CTNND2: variants seen among roughly 807,000 people sequenced by gnomAD.
CTNND2 encodes the protein catenin delta-2.
CTNND2 carries 22 observed loss-of-function variants against 144.4 expected under a neutral mutation model. The ratio of observed to expected loss-of-function variants is 0.15; its 90% CI spans 0.11 to 0.22. CTNND2 has a LOEUF of 0.22. Among genes scored for constraint, CTNND2 ranks in the 10% least tolerant of loss-of-function variants. The pLI is 1.00. For missense variants in CTNND2, 1,353 were observed against 1,618.8 expected (o/e 0.84, Z 2.82); for synonymous variants, 751 against 695.6 (o/e 1.08, Z -1.25).
At chr5:11,150,905 C>T (rs573223748) in intron 12 of CTNND2, among the ~76,000 whole-genome samples, 8 of 152,210 alleles carry the variant, frequency 5.3e-5, no homozygotes, top group African/African-American at 1.4e-4. Context: ...AGATGACAGG[C>T]GTGAGCCACC....
At chr5:11,372,085 A>T (rs544733854) in intron 7 of CTNND2, among the ~76,000 whole-genome samples, 4 of 152,224 alleles carry the variant, frequency 2.6e-5, no homozygotes, top group African/African-American at 9.6e-5. Context: ...ATTTGTTCCC[A>T]TAACTTTGCT....
chr5:11,323,265 G>T (rs1418531677), intron 9 of CTNND2, among the ~76,000 whole-genome samples: 1 of 151,442 alleles, frequency 6.6e-6, no homozygotes, highest in Non-Finnish European at 1.5e-5. Context: ...GCCCAGGCTG[G>T]TCTTGAACTC....
At chr5:11,757,433 G>A (rs1008340251) in intron 1 of CTNND2, among the ~76,000 whole-genome samples, 1 of 151,580 alleles carries the variant, frequency 6.6e-6, no homozygotes, top group East Asian at 1.9e-4. Context: ...CACTTTATAA[G>A]GGTGTATGTG....
chr5:11,405,987 A>G lies in CTNND2; in HGVS notation c.439+5549T>C, dbSNP rs536383340. Among the ~76,000 whole-genome samples, 424 of 152,170 alleles carry G rather than the reference A, an allele frequency of 2.8e-3. 6 individuals are homozygous for G. The highest frequency in any genetic ancestry group is 6.8e-3 in the Middle Eastern group (2 of 294). On this transcript the variant is annotated intron_variant, in intron 5 of 21. Coordinates refer to ENST00000304623, the MANE Select transcript of CTNND2 (RefSeq NM_001332.4). ...AACATGGTGAAACCCCGTCTCTACT[A>G]AAAATACAAAAATTAGCCAGGCGTA...
rs562918904 is a variant in CTNND2 at position 11,245,634 on chromosome 5, C to T, written c.1629-8811G>A. On this transcript the variant is annotated intron_variant, in intron 9 of 21. Transcript: ENST00000304623. ...GGCAGTACAGACACCTTGACTGCAA[C>T]ACAATGAATTTCTGTTGGATTTCTG... Among the ~76,000 whole-genome samples, 10 of 152,294 alleles carry T rather than the reference C, an allele frequency of 6.6e-5. No homozygotes were observed. The East Asian group carries it at 1.4e-3, about 21-fold the overall frequency.
rs140332683 is a variant in CTNND2, at chr5:11,740,827, C to T, written c.38-8555G>A. Among the ~76,000 whole-genome samples, 749 of 152,264 alleles carry T rather than the reference C, an allele frequency of 4.9e-3. 3 individuals carry two copies. The highest frequency in any genetic ancestry group is 0.017 in the African/African-American group (696 of 41,544). On this transcript the variant is annotated intron_variant, in intron 1 of 21. Coordinates refer to ENST00000304623, the MANE Select transcript of CTNND2 (RefSeq NM_001332.4). ...CCTAATATCCAGAATCTACAAAGAA[C>T]TCAAACAAATTTACAAGAAAAAAAC...
chr5:11,065,754 C>T (rs962613698), intron 16 of CTNND2, among the ~76,000 whole-genome samples: 4 of 152,154 alleles, frequency 2.6e-5, no homozygotes, highest in African/African-American at 9.7e-5. Flanking sequence ...TCTGGCATAA[C>T]ATTATGTGAC....
intron 1 of CTNND2, among the ~76,000 whole-genome samples, chr5:11,893,077 A>G (rs578164515): frequency 4.7e-4 from 71 of 152,352 alleles, no homozygotes; most frequent in African/African-American, 1.7e-3. Flanking sequence ...GTCTAACTGC[A>G]CTACTGTAAA....
At position 11,228,369 on chromosome 5, in the gene CTNND2, A is replaced by C. The variant is rs560510610; in HGVS notation, c.1761+8322T>G. The stretch of plus-strand genomic sequence containing the variant: ...TCTCTCTCTCAAAAAAAAAAAAAAA[A>C]AAAAAAAAAACAAAGAATGTGAATG... On this transcript the variant is annotated intron_variant, in intron 10 of 21. Coordinates refer to ENST00000304623, the MANE Select transcript of CTNND2 (RefSeq NM_001332.4). 6.9e-3 allele frequency among the ~76,000 whole-genome samples: 1,007 copies of C among 146,494 alleles called. 13 individuals are homozygous for C. Among genetic ancestry groups the C allele is most frequent in the African/African-American group, 0.023 (865 of 37,428 alleles).
rs1325411951 is a variant in CTNND2, at chr5:10,981,838, T to G, written c.3352A>C (p.Thr1118Pro). The G allele has an allele frequency of 3.7e-6, 6 of 1,613,628 alleles. No individual in the cohort carries two copies. Among genetic ancestry groups the G allele is most frequent in the Non-Finnish European group, 4.2e-6 (5 of 1,179,756 alleles). ...TTCCTATACAAAGTTGAAATTCCAGTGTTTTGAGCTAAAAGCAAAAGGAAA... is the reference window on the plus strand; with the variant it reads ...TTCCTATACAAAGTTGAAATTCCAGGGTTTTGAGCTAAAAGCAAAAGGAAA... ...SRKDAMTAQN[T>P]GISTLYRNSY... Residue 1118 changes from threonine to proline, a missense_variant, in exon 21 of 22, where the codon ACT becomes CCT. Around this residue, in one of 4 missense-constraint regions of CTNND2, gnomAD observed 459 missense variants for 674.3 expected, o/e 0.68. Transcript: ENST00000304623.
At chr5:11,312,803 G>A (rs141442888) in intron 9 of CTNND2, among the ~76,000 whole-genome samples, 53 of 149,052 alleles carry the variant, frequency 3.6e-4, no homozygotes, top group African/African-American at 1.3e-3. Flanking sequence ...CCAGCCATAC[G>A]TCCCTGGACA....
chr5:11,623,441 G>A (rs574977925), intron 2 of CTNND2, among the ~76,000 whole-genome samples: 23 of 151,888 alleles, frequency 1.5e-4, no homozygotes, highest in Admixed American at 6.6e-4. Flanking sequence ...GTTTGCCGCC[G>A]TGTAAGATGT....
intron 10 of CTNND2, among the ~76,000 whole-genome samples, chr5:11,205,376 G>A (rs974103546): frequency 2.0e-5 from 3 of 151,996 alleles, no homozygotes; most frequent in Non-Finnish European, 4.4e-5. Flanking sequence ...TGATTTTTTT[G>A]CTAAATTTTC....
intron 13 of CTNND2, among the ~76,000 whole-genome samples, chr5:11,111,925 C>A (rs1753028030): frequency 6.6e-6 from 1 of 151,490 alleles, no homozygotes; most frequent in African/African-American, 2.4e-5. Flanking sequence ...CGGCTCACTG[C>A]AAGCTCCGCC....
intron 3 of CTNND2, among the ~76,000 whole-genome samples, chr5:11,527,015 A>G (rs189145236): frequency 1.8e-4 from 27 of 152,332 alleles, no homozygotes; most frequent in African/African-American, 3.8e-4. Context: ...ATCTGCTTAC[A>G]TAATGTACCT....
intron 2 of CTNND2, among the ~76,000 whole-genome samples, chr5:11,578,828 T>C (rs1778179778): frequency 6.6e-6 from 1 of 152,206 alleles, no homozygotes; most frequent in Non-Finnish European, 1.5e-5. Flanking sequence ...GGCCCATTGG[T>C]ATTTCCTATT....
At position 11,627,484 on chromosome 5, in the gene CTNND2, G is replaced by A. The variant is rs150156558; in HGVS notation, c.175-62428C>T. ...AACAAAATGTTCAGACTCCATGCAG[G>A]CATCAATAGATATTTGATGAAAGCT... is the stretch of plus-strand genomic sequence containing the variant. On this transcript the variant is annotated intron_variant, in intron 2 of 21. Coordinates refer to ENST00000304623, the MANE Select transcript of CTNND2 (RefSeq NM_001332.4). 2.0e-5 allele frequency among the ~76,000 whole-genome samples: 3 copies of A among 152,132 alleles called. No homozygotes were observed. In the East Asian group the frequency reaches 5.8e-4, roughly 29 times the overall value.
Position 11,803,524 on chromosome 5 carries a change from C to T in CTNND2, c.38-71252G>A, listed in dbSNP as rs554406461. Among the ~76,000 whole-genome samples the T allele has an allele frequency of 2.8e-4, 43 of 152,224 alleles. No homozygotes were observed. The Middle Eastern group carries it at 0.01, about 36-fold the overall frequency. The stretch of plus-strand genomic sequence containing the variant: ...CACTGAATGATATTTCGGAGGTAGA[C>T]GCTATAGGATTTCTGGATCCACTGA... On this transcript the variant is annotated intron_variant, in intron 1 of 21. Transcript: ENST00000304623.
At chr5:11,318,821 T>C (rs1007668508) in intron 9 of CTNND2, among the ~76,000 whole-genome samples, 2 of 152,026 alleles carry the variant, frequency 1.3e-5, no homozygotes, top group Non-Finnish European at 2.9e-5. Context: ...TTATCTGAAA[T>C]AGAACAAAGC....
Sources: gnomAD v4.1 joint callset for allele counts (sites outside exome capture counted in the v4.1 genomes callset) on GRCh38, gnomAD v4.1.1 for gene constraint, gnomAD v4.1.1 regional missense constraint, MANE v1.5 for transcripts, NCBI Gene and HGNC (gene_info 2026-07-23, HGNC 2026-07-21) for gene names.